Variants in SMAD6 observed in about 807,000 individuals in gnomAD.
The protein encoded by SMAD6 is MAD homolog 6.
A neutral mutation model predicts 39.4 loss-of-function variants in SMAD6; 103 were observed. The ratio of observed to expected loss-of-function variants is 2.62; its 90% CI spans 2.23 to 3.08. The LOEUF (loss-of-function observed/expected upper bound fraction) is 3.08. Ranked by LOEUF, SMAD6 falls within the 30% of genes most tolerant of loss-of-function variation. SMAD6 has a pLI of 0.00. For missense variants in SMAD6, 1,104 were observed against 742.9 expected, an observed-to-expected ratio of 1.49 and a Z score of -5.65; for synonymous variants, 445 against 353.3, an observed-to-expected ratio of 1.26 and a Z score of -2.91.
intron 3 of SMAD6, among the ~76,000 whole-genome samples, chr15:66,746,049 G>A (rs1223675086): frequency 6.6e-6 from 1 of 152,188 alleles, no homozygotes; most frequent in Non-Finnish European, 1.5e-5. Flanking sequence ...AGAGGCCGAG[G>A]CTCCCCAAGC....
chr15:66,753,433 T>G (rs1207700332), intron 3 of SMAD6, among the ~76,000 whole-genome samples: 2 of 152,226 alleles, frequency 1.3e-5, no homozygotes, highest in Admixed American at 6.5e-5. Context: ...GCACTGCTGC[T>G]CTAGGCACCA....
At chr15:66,731,829 C>G (rs1281471352) in intron 3 of SMAD6, among the ~76,000 whole-genome samples, 1 of 152,206 alleles carries the variant, frequency 6.6e-6, no homozygotes, top group East Asian at 1.9e-4. Context: ...ATTTTGCAAT[C>G]CCAACAGCAG....
At chr15:66,714,141 G>C (rs1293160209) in intron 2 of SMAD6, among the ~76,000 whole-genome samples, 1 of 152,216 alleles carries the variant, frequency 6.6e-6, no homozygotes, top group Non-Finnish European at 1.5e-5. Flanking sequence ...ACCTCAGTTT[G>C]AATGTCAAGG....
rs746722246 is a variant in SMAD6, at chr15:66,752,478, C to T, written c.953-28519C>T. ...ATGCTCACAGTTGAATGGAAGCAGACTCACAATTTAAAAATACATACATAG... is the reference window on the plus strand; with the variant it reads ...ATGCTCACAGTTGAATGGAAGCAGATTCACAATTTAAAAATACATACATAG... On this transcript the variant is annotated intron_variant, in intron 3 of 3. Transcript: ENST00000288840. Among the ~76,000 whole-genome samples, 5 of 152,158 alleles carry T rather than the reference C, an allele frequency of 3.3e-5. No individual in the cohort carries two copies. The South Asian group carries it at 8.3e-4, about 25-fold the overall frequency.
At position 66,713,476 on chromosome 15, in the gene SMAD6, C is replaced by T. The variant is rs147438340; in HGVS notation, c.874+1752C>T. 3.2e-3 allele frequency among the ~76,000 whole-genome samples: 485 copies of T among 152,280 alleles called. 4 individuals carry two copies. The highest frequency in any genetic ancestry group is 0.011 in the African/African-American group (464 of 41,554). ...CTGGGACTGCAGGCACGCGCCACCA[C>T]GCCTGGCTAATTTTTGTATTTTTAG... On this transcript the variant is annotated intron_variant, in intron 2 of 3. Transcript: ENST00000288840.
chr15:66,741,965 A>AAGATGAG (rs1036499189), intron 3 of SMAD6, among the ~76,000 whole-genome samples: 6 of 152,154 alleles, frequency 3.9e-5, no homozygotes, highest in African/African-American at 1.4e-4. Flanking sequence ...TTTATGAGTG[A>AAGATGAG]AGATGAGAAC....
At chr15:66,731,709 A>G (rs1893632975) in intron 3 of SMAD6, among the ~76,000 whole-genome samples, 1 of 152,194 alleles carries the variant, frequency 6.6e-6, no homozygotes, top group Non-Finnish European at 1.5e-5. Context: ...TTTTGTGTGA[A>G]CATGGATTTC....
At chr15:66,709,993 G>A (rs962603141) in intron 1 of SMAD6, among the ~76,000 whole-genome samples, 3 of 152,186 alleles carry the variant, frequency 2.0e-5, no homozygotes, top group African/African-American at 2.4e-5. Context: ...TTTAGTGAGC[G>A]CGTTCTGTGC....
intron 3 of SMAD6, among the ~76,000 whole-genome samples, chr15:66,748,834 T>C (rs1392714034): frequency 2.0e-5 from 3 of 152,222 alleles, no homozygotes; most frequent in Non-Finnish European, 4.4e-5. Context: ...TGAGATGTGC[T>C]CTTCCAAATA....
In SMAD6 at chr15:66,703,076, A is replaced by G; in HGVS notation, c.-183A>G. On this transcript the variant is annotated 5_prime_UTR_variant, in exon 1 of 4. Coordinates refer to ENST00000288840, the MANE Select transcript of SMAD6 (RefSeq NM_005585.5). Reference sequence around the variant, plus strand: ...TGTTCCCGGCCGTCCCGCCTCGGCGAGCTCCCTCATGTTGTCGCCCTGCGG... The same window carrying G: ...TGTTCCCGGCCGTCCCGCCTCGGCGGGCTCCCTCATGTTGTCGCCCTGCGG... 7.0e-6 allele frequency: 3 copies of G among 425,856 alleles called. No homozygotes were observed. Among genetic ancestry groups the G allele is most frequent in the Non-Finnish European group, 1.3e-5 (3 of 238,958 alleles). The allele number at this position is 425,856 out of a possible 1,614,324, so 26.4% of individuals were successfully genotyped here.
intron 2 of SMAD6, 90 bp downstream of exon 2, chr15:66,711,814 G>C: frequency 1.0e-6 from 1 of 991,986 alleles, no homozygotes; most frequent in Non-Finnish European, 1.6e-6. Context: ...AGGGCTGGAG[G>C]GCTGGAGGGC....
chr15:66,775,692 C>T (rs1012571560), intron 3 of SMAD6, among the ~76,000 whole-genome samples: 3 of 152,156 alleles, frequency 2.0e-5, no homozygotes, highest in Non-Finnish European at 4.4e-5. Context: ...GGGTAGTGAG[C>T]GGGAGTTTCG....
intron 3 of SMAD6, among the ~76,000 whole-genome samples, chr15:66,745,829 C>T (rs983351095): frequency 3.9e-5 from 6 of 152,186 alleles, no homozygotes; most frequent in Non-Finnish European, 7.3e-5. Context: ...GAGTTCTTTC[C>T]ACCTCTGTTT....
intron 3 of SMAD6, among the ~76,000 whole-genome samples, chr15:66,764,158 C>T (rs146207770): frequency 6.6e-5 from 10 of 152,282 alleles, no homozygotes; most frequent in African/African-American, 9.6e-5. Flanking sequence ...TAATATTTCC[C>T]GTTAGAGGTC....
At chr15:66,735,957 G>A (rs1893705703) in intron 3 of SMAD6, among the ~76,000 whole-genome samples, 2 of 152,212 alleles carry the variant, frequency 1.3e-5, no homozygotes, top group African/African-American at 2.4e-5. Context: ...TCCGCGACAT[G>A]GGTGTATGGG....
chr15:66,726,210 G>A (rs1893518901), intron 3 of SMAD6, among the ~76,000 whole-genome samples: 1 of 152,204 alleles, frequency 6.6e-6, no homozygotes, highest in South Asian at 2.1e-4. Context: ...TGCTCCCTGA[G>A]GGCAGATGTT....
intron 1 of SMAD6, among the ~76,000 whole-genome samples, chr15:66,709,314 G>C (rs1435639070): frequency 6.6e-6 from 1 of 152,224 alleles, no homozygotes; most frequent in Non-Finnish European, 1.5e-5. Flanking sequence ...ATGTCTCATG[G>C]TTCAGGTTCA....
At chr15:66,713,478 C>T (rs1893270512) in intron 2 of SMAD6, among the ~76,000 whole-genome samples, 1 of 152,170 alleles carries the variant, frequency 6.6e-6, no homozygotes, top group Non-Finnish European at 1.5e-5. Context: ...CGCCACCACG[C>T]CTGGCTAATT....
chr15:66,722,951 C>A (rs1284820296), intron 3 of SMAD6, among the ~76,000 whole-genome samples: 1 of 152,192 alleles, frequency 6.6e-6, no homozygotes, highest in African/African-American at 2.4e-5. Flanking sequence ...GCAAATTCCT[C>A]ACCTCTCTAG....
Sources: gnomAD v4.1 joint callset for allele counts (sites outside exome capture counted in the v4.1 genomes callset) on GRCh38, gnomAD v4.1.1 for gene constraint, MANE v1.5 for transcripts, NCBI Gene and HGNC (gene_info 2026-07-23, HGNC 2026-07-21) for gene names.